The following DIAPH3 variants were observed in gnomAD, a reference collection of about 807,000 sequenced individuals.
DIAPH3 encodes the protein diaphanous related formin 3.
Under a neutral mutation model 144.3 loss-of-function variants are expected in DIAPH3, and 117 were observed. The observed-to-expected ratio is 0.81, with a 90% CI of 0.70 to 0.95. The LOEUF (loss-of-function observed/expected upper bound fraction) is 0.95, where lower values mean the gene tolerates loss of function less well. Ranked by LOEUF, DIAPH3 falls within the 40% of genes least tolerant of loss-of-function variation. DIAPH3 has a pLI of 0.00. For synonymous variants in DIAPH3, 519 were observed against 488.9 expected, an observed-to-expected ratio of 1.06 and a Z score of -0.81; for missense variants, 1,421 against 1,412.7, an observed-to-expected ratio of 1.01 and a Z score of -0.09.
At chr13:59,793,417 T>A (rs186201079) in intron 25 of DIAPH3, among the ~76,000 whole-genome samples, 211 of 152,320 alleles carry the variant, frequency 1.4e-3, no homozygotes, top group African/African-American at 4.7e-3. Context: ...CATATCTCAG[T>A]CTCATCTCCC....
In DIAPH3 at chr13:59,902,371, T is replaced by C. The variant is rs112771881; in HGVS notation, c.2367+9364A>G. On this transcript the variant is annotated intron_variant, in intron 20 of 27. Coordinates refer to ENST00000400324, the MANE Select transcript of DIAPH3 (RefSeq NM_001042517.2). ...TCTCTGGCCATGTAAGACGTGCCTG[T>C]TTCCCCTACACCTTCCACCATGATC... is the stretch of plus-strand genomic sequence containing the variant. 1.7e-4 allele frequency among the ~76,000 whole-genome samples: 26 copies of C among 152,184 alleles called. No homozygotes were observed. The South Asian group carries it at 2.1e-3, about 12-fold the overall frequency.
chr13:59,916,918 C>G (rs1410118750), intron 18 of DIAPH3, among the ~76,000 whole-genome samples: 1 of 151,992 alleles, frequency 6.6e-6, no homozygotes, highest in Non-Finnish European at 1.5e-5. Flanking sequence ...TTCTTGATGG[C>G]TCTTATATCA....
intron 22 of DIAPH3, among the ~76,000 whole-genome samples, chr13:59,854,876 T>C (rs903724865): frequency 6.6e-6 from 1 of 152,214 alleles, no homozygotes; most frequent in Non-Finnish European, 1.5e-5. Context: ...TTTCAGCCTG[T>C]TAACCTCCAA....
chr13:59,675,985 C>T (rs1467048931), intron 27 of DIAPH3, among the ~76,000 whole-genome samples: 2 of 152,206 alleles, frequency 1.3e-5, no homozygotes, highest in East Asian at 3.9e-4. Context: ...GAAGCCATTT[C>T]TAAGTCTCAT....
chr13:59,826,152 T>C (rs561385849), intron 24 of DIAPH3, among the ~76,000 whole-genome samples: 206 of 151,940 alleles, frequency 1.4e-3, no homozygotes, highest in African/African-American at 4.6e-3. Context: ...ACCGCTCCTA[T>C]TCAACATAGT....
intron 21 of DIAPH3, among the ~76,000 whole-genome samples, chr13:59,870,839 T>G (rs1348790372): frequency 6.6e-6 from 1 of 151,930 alleles, no homozygotes; most frequent in Non-Finnish European, 1.5e-5. Context: ...CCTGGCTAAT[T>G]TTGTATTTTT....
chr13:60,036,009 C>A (rs971997133), intron 5 of DIAPH3, among the ~76,000 whole-genome samples: 1 of 152,094 alleles, frequency 6.6e-6, no homozygotes, highest in African/African-American at 2.4e-5. Context: ...AGACATACTT[C>A]ACCTCTCCTT....
At chr13:59,744,072 C>T (rs928656439) in intron 27 of DIAPH3, among the ~76,000 whole-genome samples, 2 of 152,098 alleles carry the variant, frequency 1.3e-5, no homozygotes, top group Non-Finnish European at 2.9e-5. Context: ...GGGTCCTGGT[C>T]ACATATGTTC....
chr13:60,105,114 A>AAAAAAAAC (rs1245520538), intron 3 of DIAPH3, among the ~76,000 whole-genome samples: 15 of 150,816 alleles, frequency 9.9e-5, no homozygotes, highest in Non-Finnish European at 1.8e-4. Context: ...AAAAAAAAAA[A>AAAAAAAAC]AAAAAAAAAA....
rs74891785 is a variant in DIAPH3, at chr13:59,878,638, A to G, written c.2607+591T>C. Among the ~76,000 whole-genome samples the G allele has an allele frequency of 4.6e-3, 707 of 152,242 alleles. 25 individuals are homozygous for G. In the East Asian group the frequency reaches 0.093, roughly 20 times the overall value. On this transcript the variant is annotated intron_variant, in intron 21 of 27. Transcript: ENST00000400324. ...AATATATTTGCTGTAAGGAAATTCA[A>G]CCTATGAAAGACACAGGAGAAAAAA... is the stretch of plus-strand genomic sequence containing the variant.
intron 5 of DIAPH3, among the ~76,000 whole-genome samples, chr13:60,020,089 C>A (rs2053912605): frequency 6.6e-6 from 1 of 152,054 alleles, no homozygotes; most frequent in Non-Finnish European, 1.5e-5. Context: ...AGTATAGGGA[C>A]CGTTTCTTAT....
Position 59,674,422 on chromosome 13 carries a change from T to C in DIAPH3, c.3320-7576A>G, listed in dbSNP as rs1159658854. On this transcript the variant is annotated intron_variant, in intron 27 of 27. Coordinates refer to ENST00000400324, the MANE Select transcript of DIAPH3 (RefSeq NM_001042517.2). ...CTGGTTAACATGCTCTATCATGATATTGCCCTTGACTGTGCTTACTCTTCT... is the reference window on the plus strand; with the variant it reads ...CTGGTTAACATGCTCTATCATGATACTGCCCTTGACTGTGCTTACTCTTCT... Among the ~76,000 whole-genome samples, 12 of 152,188 alleles carry C rather than the reference T, an allele frequency of 7.9e-5. No homozygotes were observed. In the East Asian group the frequency reaches 2.3e-3, roughly 29 times the overall value.
intron 17 of DIAPH3, among the ~76,000 whole-genome samples, chr13:59,958,480 T>C (rs1402397651): frequency 1.3e-5 from 2 of 152,156 alleles, no homozygotes; most frequent in Non-Finnish European, 2.9e-5. Flanking sequence ...ATCTTTTCTC[T>C]AGATTAGAAC....
At chr13:59,901,063 A>G (rs1013294366) in intron 20 of DIAPH3, among the ~76,000 whole-genome samples, 2 of 152,214 alleles carry the variant, frequency 1.3e-5, no homozygotes, top group Non-Finnish European at 2.9e-5. Context: ...CACATTAATA[A>G]TGAGATCATT....
intron 5 of DIAPH3, among the ~76,000 whole-genome samples, chr13:60,032,859 C>G (rs1170469441): frequency 6.6e-6 from 1 of 152,228 alleles, no homozygotes; most frequent in Non-Finnish European, 1.5e-5. Flanking sequence ...CATGGGCAGG[C>G]TGCAAATTTT....
At chr13:60,031,466 G>T (rs535825475) in intron 5 of DIAPH3, among the ~76,000 whole-genome samples, 1 of 152,114 alleles carries the variant, frequency 6.6e-6, no homozygotes, top group Non-Finnish European at 1.5e-5. Context: ...ATTGCAAAAT[G>T]TGATCATGCC....
chr13:59,864,282 C>T (rs181766260), intron 21 of DIAPH3, among the ~76,000 whole-genome samples: 1 of 152,176 alleles, frequency 6.6e-6, no homozygotes, highest in East Asian at 1.9e-4. Flanking sequence ...TTTCTCTTTG[C>T]ACAGCCACCA....
At chr13:59,878,538 T>G (rs963990013) in intron 21 of DIAPH3, among the ~76,000 whole-genome samples, 12 of 152,214 alleles carry the variant, frequency 7.9e-5, no homozygotes, top group African/African-American at 2.9e-4. Context: ...GAGAAGAATT[T>G]GTTGTAAGCA....
At chr13:59,940,302 A>T (rs1210394028) in intron 17 of DIAPH3, among the ~76,000 whole-genome samples, 8 of 152,174 alleles carry the variant, frequency 5.3e-5, no homozygotes, top group African/African-American at 1.7e-4. Context: ...AGTGAAGAAG[A>T]ATCTTTACAA....
Sources: allele counts gnomAD v4.1 joint callset (sites outside exome capture counted in the v4.1 genomes callset), GRCh38; gene constraint gnomAD v4.1.1; transcripts MANE v1.5; gene names NCBI Gene and HGNC (gene_info 2026-07-23, HGNC 2026-07-21).